Variants in SUGT1 observed in about 807,000 individuals in gnomAD.
SUGT1 encodes the protein SGT1 assembly cochaperone of MIS12 kinetochore complex.
SUGT1 carries 15 observed loss-of-function variants against 56.1 expected under a neutral mutation model. That is an observed-to-expected ratio of 0.27 (90% CI 0.18 to 0.41). The LOEUF is 0.41. Ranked by LOEUF, SUGT1 falls within the 10% of genes least tolerant of loss-of-function variation. SUGT1 has a pLI of 1.00. For missense variants in SUGT1, 347 were observed against 382.2 expected, an observed-to-expected ratio of 0.91 and a Z score of 0.77; for synonymous variants, 123 against 128.6, an observed-to-expected ratio of 0.96 and a Z score of 0.30.
chr13:52,683,509 T>C (rs1279171866), intron 12 of SUGT1, among the ~76,000 whole-genome samples: 2 of 152,174 alleles, frequency 1.3e-5, no homozygotes, highest in Non-Finnish European at 2.9e-5. Context: ...TAATGTTTTG[T>C]TATGGGTTAT....
chr13:52,694,462 T>G lies in SUGT1; in HGVS notation c.*6627T>G, dbSNP rs1309083488. On this transcript the variant is annotated 3_prime_UTR_variant, in exon 13 of 13. Coordinates refer to ENST00000310528, the MANE Select transcript of SUGT1 (RefSeq NM_006704.5). ...TAATTATGTAAGTATTGTCAGCACT[T>G]TATAAAGAATCGTAAAATAAAATAG... The G allele has an allele frequency of 6.6e-6, 1 of 152,222 alleles. No individual in the cohort carries two copies. The highest frequency in any genetic ancestry group is 1.5e-5 in the Non-Finnish European group (1 of 68,046). The allele number at this position is 152,222 out of a possible 1,614,324, so 9.4% of individuals were successfully genotyped here. A position where few individuals can be genotyped will look rare whatever the true frequency, so the allele number is the denominator to read the frequency against.
chr13:52,686,458 A>G (rs1963593324), intron 12 of SUGT1, among the ~76,000 whole-genome samples: 1 of 152,214 alleles, frequency 6.6e-6, no homozygotes, highest in Admixed American at 6.5e-5. Flanking sequence ...GTAAATGGTA[A>G]TTAGGCTCAC....
At chr13:52,656,631 G>A (rs1250290407) in intron 2 of SUGT1, among the ~76,000 whole-genome samples, 1 of 152,142 alleles carries the variant, frequency 6.6e-6, no homozygotes, top group Admixed American at 6.5e-5. Flanking sequence ...TTGCTCTCTT[G>A]ATTTGAGCCT....
chr13:52,653,678 A>G (rs1962026893), intron 2 of SUGT1, among the ~76,000 whole-genome samples: 1 of 152,238 alleles, frequency 6.6e-6, no homozygotes, highest in Non-Finnish European at 1.5e-5. Context: ...TAACCTAGAA[A>G]TCACTTTTTG....
chr13:52,677,110 T>C (rs928052313), intron 11 of SUGT1, among the ~76,000 whole-genome samples: 9 of 152,236 alleles, frequency 5.9e-5, no homozygotes, highest in Non-Finnish European at 1.2e-4. Flanking sequence ...TTTTGACTGC[T>C]TTCTTCTGTA....
intron 12 of SUGT1, among the ~76,000 whole-genome samples, chr13:52,681,219 T>A (rs6561679): frequency 1.3e-5 from 2 of 148,368 alleles, no homozygotes; most frequent in African/African-American, 5.0e-5. Flanking sequence ...ATCTTGAGAT[T>A]AGCCTGGGCA....
rs144105255 is a variant in SUGT1 at position 52,687,803 on chromosome 13, C to G, written c.970C>G (p.Pro324Ala). Reference protein sequence around the residue: ...DVGKRKVEINPPDDMEWKKY With the variant: ...DVGKRKVEINAPDDMEWKKY The stretch of plus-strand genomic sequence containing the variant: ...AGGTAAAAGGAAAGTTGAAATCAAT[C>G]CTCCTGATGATATGGAATGGAAAAA... The change falls in exon 13 of 13, where the codon CCT (proline) becomes GCT (alanine). Residue 324 changes from proline (P) to alanine (A), a missense_variant. Physicochemically the swap from Pro to Ala is conservative, Grantham distance 27. Coordinates refer to ENST00000310528, the MANE Select transcript of SUGT1 (RefSeq NM_006704.5). 6.2e-7 allele frequency: 1 copy of G among 1,601,672 alleles called. No homozygotes were observed. Among genetic ancestry groups the G allele is most frequent in the East Asian group, 2.3e-5 (1 of 44,038 alleles).
At position 52,653,501 on chromosome 13, in the gene SUGT1, C is replaced by T. The variant is rs571898933; in HGVS notation, c.96+398C>T. 3.9e-5 allele frequency among the ~76,000 whole-genome samples: 6 copies of T among 152,246 alleles called. No individual in the cohort carries two copies. The South Asian group carries it at 1.2e-3, about 32-fold the overall frequency. On this transcript the variant is annotated intron_variant, in intron 2 of 12. Transcript: ENST00000310528. The stretch of plus-strand genomic sequence containing the variant: ...TTACGTAAAAGTGTCGGTATGAAGT[C>T]AGTCTACTGGAGCAAAACCCTTTTC...
chr13:52,653,364 C>T (rs1232973764), intron 2 of SUGT1, among the ~76,000 whole-genome samples: 1 of 134,608 alleles, frequency 7.4e-6, no homozygotes, highest in Non-Finnish European at 1.6e-5. Flanking sequence ...GCATGGTTGG[C>T]ATTTGTAGTT....
Position 52,700,857 on chromosome 13 carries a change from A to G in SUGT1, c.*13022A>G, listed in dbSNP as rs950435574. On this transcript the variant is annotated 3_prime_UTR_variant, in exon 13 of 13. Coordinates refer to ENST00000310528, the MANE Select transcript of SUGT1 (RefSeq NM_006704.5). ...GTCAATCCACTCACAAAGAATTTCT[A>G]TTTTGTAAAAATGTAGCTTGTATTT... 4 of 152,200 alleles carry G rather than the reference A, an allele frequency of 2.6e-5. No individual in the cohort carries two copies. Among genetic ancestry groups the G allele is most frequent in the Admixed American group, 6.5e-5 (1 of 15,270 alleles). 9.4% of individuals were successfully genotyped at this position (152,200 alleles called of 1,614,324 possible). A position where few individuals can be genotyped will look rare whatever the true frequency, so the allele number is the denominator to read the frequency against.
intron 11 of SUGT1, among the ~76,000 whole-genome samples, chr13:52,677,877 T>G (rs773326446): frequency 2.0e-5 from 3 of 152,174 alleles, no homozygotes; most frequent in Non-Finnish European, 4.4e-5. Context: ...TGTTAAAAGT[T>G]TTTCTGAGAT....
chr13:52,667,038 GA>G lies in SUGT1; in HGVS notation c.627+123del, dbSNP rs1484898880. ...TCTTTCAGCCCTTTAACAGGGACAA[GA>G]AAATAAGAATGATAACTTTTGAGTA... On this transcript the variant is annotated intron_variant, in intron 10 of 12. Coordinates refer to ENST00000310528, the MANE Select transcript of SUGT1 (RefSeq NM_006704.5). 4.7e-6 allele frequency: 3 copies of G among 637,720 alleles called. No homozygotes were observed. In the African/African-American group the frequency reaches 5.5e-5, roughly 12 times the overall value. 39.5% of individuals were successfully genotyped at this position (637,720 alleles called of 1,614,324 possible).
Position 52,676,195 on chromosome 13 carries a change from G to A in SUGT1, c.628-35G>A, listed in dbSNP as rs185103741. ...TTTTTTACTGTTTTGTGTATTTTAC[G>A]TCGAGTAATGGAGTTTATTTGGTGT... On this transcript the variant is annotated intron_variant, in intron 10 of 12. Coordinates refer to ENST00000310528, the MANE Select transcript of SUGT1 (RefSeq NM_006704.5). The A allele has an allele frequency of 2.7e-4, 421 of 1,543,710 alleles. 1 individual carries two copies. The East Asian group carries it at 8.3e-3, about 31-fold the overall frequency.
In SUGT1 at chr13:52,697,157, C is replaced by T. The variant is rs961023733; in HGVS notation, c.*9322C>T. 6 of 152,008 alleles carry T rather than the reference C, an allele frequency of 3.9e-5. No individual in the cohort carries two copies. The highest frequency in any genetic ancestry group is 8.8e-5 in the Non-Finnish European group (6 of 68,040). 9.4% of individuals were successfully genotyped at this position (152,008 alleles called of 1,614,324 possible). A position where few individuals can be genotyped will look rare whatever the true frequency, so the allele number is the denominator to read the frequency against. ...AGCTGGGACTACAGGTGTGTGCCAC[C>T]ACTCCCAGCTAATTTTTAAATTTTG... On this transcript the variant is annotated 3_prime_UTR_variant, in exon 13 of 13. Coordinates refer to ENST00000310528, the MANE Select transcript of SUGT1 (RefSeq NM_006704.5).
chr13:52,675,137 C>T (rs1350282633), intron 10 of SUGT1, among the ~76,000 whole-genome samples: 1 of 152,066 alleles, frequency 6.6e-6, no homozygotes, highest in African/African-American at 2.4e-5. Context: ...CCTTCAGAGC[C>T]CTTCAAGATG....
At chr13:52,658,755 T>C (rs1047125951) in intron 4 of SUGT1, among the ~76,000 whole-genome samples, 1 of 100,732 alleles carries the variant, frequency 9.9e-6, no homozygotes, top group Non-Finnish European at 2.1e-5. Flanking sequence ...TTTTTTTTTT[T>C]TCAATCTTTT....
At chr13:52,679,939 T>C (rs1385641652) in intron 11 of SUGT1, 35 bp from the exon 12 acceptor site, 4 of 1,553,048 alleles carry the variant, frequency 2.6e-6, no homozygotes, top group African/African-American at 1.4e-5. Flanking sequence ...TTGAAACATG[T>C]TGATTAATTA....
Position 52,693,522 on chromosome 13 carries a change from G to A in SUGT1, c.*5687G>A, listed in dbSNP as rs1566206554. On this transcript the variant is annotated 3_prime_UTR_variant, in exon 13 of 13. Transcript: ENST00000310528. ...ATGGACTCTGAAGCCATCCTGTTTG[G>A]GATCATCCTGGCTACATTGCTTACT... The A allele has an allele frequency of 6.6e-6, 1 of 152,074 alleles. No individual in the cohort carries two copies. The highest frequency in any genetic ancestry group is 1.5e-5 in the Non-Finnish European group (1 of 68,030). 9.4% of individuals were successfully genotyped at this position (152,074 alleles called of 1,614,324 possible).
intron 3 of SUGT1, 21 bp downstream of exon 3, chr13:52,657,643 T>C: frequency 6.3e-7 from 1 of 1,587,750 alleles, no homozygotes; most frequent in Non-Finnish European, 8.6e-7. Context: ...TTATAAAGTA[T>C]ATTGCCCCCT....
Sources: gnomAD v4.1 joint callset for allele counts (sites outside exome capture counted in the v4.1 genomes callset) on GRCh38, gnomAD v4.1.1 for gene constraint, MANE v1.5 for transcripts, NCBI Gene and HGNC (gene_info 2026-07-23, HGNC 2026-07-21) for gene names.